The following PIP5K1B variants were observed in gnomAD, a reference collection of about 807,000 sequenced individuals.
PIP5K1B encodes phosphatidylinositol 4-phosphate 5-kinase type-1 beta.
PIP5K1B carries 42 observed loss-of-function variants against 67.0 expected under a neutral mutation model. That is an observed-to-expected ratio of 0.63 (90% CI 0.49 to 0.81). PIP5K1B has a LOEUF of 0.81. Ranked by LOEUF, PIP5K1B falls within the 30% of genes least tolerant of loss-of-function variation. The pLI, the probability that PIP5K1B is intolerant of heterozygous loss-of-function variation, is 0.00. For synonymous variants in PIP5K1B, 214 were observed against 231.4 expected (o/e 0.92, Z 0.68); for missense variants, 459 against 646.3 (o/e 0.71, Z 3.14).
intron 14 of PIP5K1B, among the ~76,000 whole-genome samples, chr9:68,969,458 G>T (rs1158243703): frequency 6.6e-6 from 1 of 151,986 alleles, no homozygotes; most frequent in Non-Finnish European, 1.5e-5. Context: ...TATTATTAGG[G>T]GTGCTGATTG....
At chr9:68,879,989 C>T (rs1824098260) in intron 6 of PIP5K1B, among the ~76,000 whole-genome samples, 2 of 152,186 alleles carry the variant, frequency 1.3e-5, no homozygotes, top group African/African-American at 2.4e-5. Context: ...AAAAATTAAT[C>T]GGAAGGATTG....
intron 2 of PIP5K1B, among the ~76,000 whole-genome samples, chr9:68,808,198 A>AAAAAC (rs536755366): frequency 7.2e-5 from 11 of 152,210 alleles, no homozygotes; most frequent in Admixed American, 2.6e-4. Flanking sequence ...ATTCTGTCTC[A>AAAAAC]AAAACAAAAC....
Position 68,822,652 on chromosome 9 carries a change from G to C in PIP5K1B, c.38G>C (p.Gly13Ala). 2 of 1,613,414 alleles carry C rather than the reference G, an allele frequency of 1.2e-6. No individual in the cohort carries two copies. Among genetic ancestry groups the C allele is most frequent in the Non-Finnish European group, 1.7e-6 (2 of 1,179,548 alleles). ...SAAENGEAAP[G>A]KQNEEKTYKK... ...GCTGAAAATGGAGAGGCAGCACCTGGAAAACAAAATGAAGAAAAAACCTAT... is the reference window on the plus strand; with the variant it reads ...GCTGAAAATGGAGAGGCAGCACCTGCAAAACAAAATGAAGAAAAAACCTAT... The change falls in exon 4 of 16, where the codon GGA becomes GCA. Residue 13 changes from glycine to alanine, a missense_variant. Physicochemically the swap from Gly to Ala is moderately conservative, Grantham distance 60. Coordinates refer to ENST00000265382, the MANE Select transcript of PIP5K1B (RefSeq NM_003558.4).
intron 8 of PIP5K1B, among the ~76,000 whole-genome samples, chr9:68,896,434 G>A (rs1307355042): frequency 1.3e-5 from 2 of 151,544 alleles, no homozygotes; most frequent in Admixed American, 6.6e-5. Flanking sequence ...GACTGAGACC[G>A]CGAGGTCAAA....
chr9:68,988,879 G>A (rs1005719780), intron 14 of PIP5K1B, among the ~76,000 whole-genome samples: 39 of 151,802 alleles, frequency 2.6e-4, no homozygotes, highest in Admixed American at 2.2e-3. Flanking sequence ...GGTGAATCAC[G>A]AGGTCAGGAG....
chr9:68,885,226 T>A (rs766131896), intron 6 of PIP5K1B, among the ~76,000 whole-genome samples: 56 of 152,174 alleles, frequency 3.7e-4, no homozygotes, highest in Admixed American at 1.3e-4. Context: ...AAATATCACA[T>A]GATCTCACTT....
At chr9:68,814,452 CA>C (rs949253328) in intron 2 of PIP5K1B, among the ~76,000 whole-genome samples, 1 of 151,680 alleles carries the variant, frequency 6.6e-6, no homozygotes, top group Non-Finnish European at 1.5e-5. Flanking sequence ...ATGTATAAGG[CA>C]AAAAAATGAA....
intron 2 of PIP5K1B, among the ~76,000 whole-genome samples, chr9:68,752,975 G>A (rs1829711290): frequency 6.6e-6 from 1 of 152,036 alleles, no homozygotes; most frequent in Admixed American, 6.6e-5. Context: ...TACATAAATT[G>A]TACCTTAATT....
chr9:68,853,510 AGC>A (rs1822598342), intron 4 of PIP5K1B, among the ~76,000 whole-genome samples: 1 of 152,186 alleles, frequency 6.6e-6, no homozygotes, highest in Non-Finnish European at 1.5e-5. Context: ...TGCTCCCTGG[AGC>A]CTGGAGGATG....
At chr9:68,721,776 G>A (rs549500827) in intron 1 of PIP5K1B, among the ~76,000 whole-genome samples, 33 of 152,272 alleles carry the variant, frequency 2.2e-4, no homozygotes, top group South Asian at 1.5e-3. Flanking sequence ...ACAGTATTAT[G>A]AGCTCTTGCC....
intron 12 of PIP5K1B, among the ~76,000 whole-genome samples, chr9:68,931,757 G>A (rs970271184): frequency 6.6e-6 from 1 of 152,196 alleles, no homozygotes; most frequent in Non-Finnish European, 1.5e-5. Flanking sequence ...AGGCAGTCGA[G>A]TGGCAGAATG....
In PIP5K1B at chr9:68,709,865, G is replaced by A. The variant is rs555262412; in HGVS notation, c.-243+4103G>A. Among the ~76,000 whole-genome samples, 48 of 152,274 alleles carry A rather than the reference G, an allele frequency of 3.2e-4. 1 individual carries two copies. The East Asian group carries it at 3.5e-3, about 11-fold the overall frequency. On this transcript the variant is annotated intron_variant, in intron 1 of 15. Transcript: ENST00000265382. ...TTCAAGGTTGCAGTGAGCTATGATCGCACCACTGTACTCTAGCCTGGGTGA... is the reference window on the plus strand; with the variant it reads ...TTCAAGGTTGCAGTGAGCTATGATCACACCACTGTACTCTAGCCTGGGTGA...
chr9:68,705,816 T>C (rs3812537), intron 1 of PIP5K1B, 54 bp downstream of exon 1: 85,770 of 151,670 alleles, frequency 0.57, 24,321 homozygotes, highest in South Asian at 0.66. Flanking sequence ...CTGAGGGGCT[T>C]GCGCTTAGGG....
chr9:68,764,571 G>T (rs1830341391), intron 2 of PIP5K1B, among the ~76,000 whole-genome samples: 1 of 152,042 alleles, frequency 6.6e-6, no homozygotes, highest in African/African-American at 2.4e-5. Context: ...TCTAGTGAAT[G>T]CTTTAGGGAT....
At chr9:68,846,836 G>A (rs113597352) in intron 4 of PIP5K1B, among the ~76,000 whole-genome samples, 5 of 152,100 alleles carry the variant, frequency 3.3e-5, no homozygotes, top group African/African-American at 1.2e-4. Context: ...AAAATTAAGA[G>A]GAGGAAGAAT....
At chr9:68,941,376 A>G (rs570627399) in intron 14 of PIP5K1B, among the ~76,000 whole-genome samples, 1 of 152,222 alleles carries the variant, frequency 6.6e-6, no homozygotes, top group Non-Finnish European at 1.5e-5. Context: ...GACAGAAGAA[A>G]GGTGAGAATC....
At chr9:68,785,029 G>C (rs946875774) in intron 2 of PIP5K1B, among the ~76,000 whole-genome samples, 1 of 152,120 alleles carries the variant, frequency 6.6e-6, no homozygotes, top group African/African-American at 2.4e-5. Context: ...TTGCCTCTGA[G>C]AATCTAAAGG....
rs182777052 is a variant in PIP5K1B, at chr9:68,793,075, G to A, written c.-85-25386G>A. On this transcript the variant is annotated intron_variant, in intron 2 of 15. Coordinates refer to ENST00000265382, the MANE Select transcript of PIP5K1B (RefSeq NM_003558.4). The stretch of plus-strand genomic sequence containing the variant: ...CTATGTAAATTTACACATATAAAGT[G>A]TGTATGTGTGTATGTGTATACACAT... Among the ~76,000 whole-genome samples the A allele has an allele frequency of 7.2e-5, 5 of 69,800 alleles. No homozygotes were observed. In the South Asian group the frequency reaches 1.9e-3, roughly 27 times the overall value. 45.8% of individuals were successfully genotyped at this position (69,800 alleles called of 152,430 possible).
intron 2 of PIP5K1B, among the ~76,000 whole-genome samples, chr9:68,768,820 G>A (rs1830552076): frequency 6.6e-6 from 1 of 152,174 alleles, no homozygotes; most frequent in South Asian, 2.1e-4. Flanking sequence ...TCTGTTAAGT[G>A]CAAATGCTCT....
Sources: allele counts gnomAD v4.1 joint callset (sites outside exome capture counted in the v4.1 genomes callset), GRCh38; gene constraint gnomAD v4.1.1; transcripts MANE v1.5; gene names NCBI Gene and HGNC (gene_info 2026-07-23, HGNC 2026-07-21).